Variants in NOL4 observed in about 807,000 individuals in gnomAD.
NOL4 encodes the protein cancer/testis antigen 125.
In NOL4, 17 loss-of-function variants were observed where a neutral mutation model predicts 75.9. The observed-to-expected ratio is 0.22, with a 90% CI of 0.15 to 0.34. The LOEUF (loss-of-function observed/expected upper bound fraction) is 0.34, where lower values mean the gene tolerates loss of function less well. Among genes scored for constraint, NOL4 ranks in the 10% least tolerant of loss-of-function variants. The pLI, the probability that NOL4 is intolerant of heterozygous loss-of-function variation, is 1.00. For missense variants in NOL4, 614 were observed against 793.5 expected (o/e 0.77, Z 2.72); for synonymous variants, 292 against 289.9 (o/e 1.01, Z -0.07).
At chr18:33,946,950 C>A (rs1435330681) in intron 8 of NOL4, among the ~76,000 whole-genome samples, 2 of 151,630 alleles carry the variant, frequency 1.3e-5, no homozygotes, top group Admixed American at 1.3e-4. Context: ...CAGAAAAGTT[C>A]TTTCCCTCCT....
intron 1 of NOL4, among the ~76,000 whole-genome samples, chr18:34,211,607 T>G (rs571611453): frequency 1.3e-5 from 2 of 152,352 alleles, no homozygotes; most frequent in South Asian, 4.1e-4. Flanking sequence ...TTCTCAAAAT[T>G]AGTCTTTCAA....
At chr18:33,862,792 G>C (rs1284313970) in intron 10 of NOL4, among the ~76,000 whole-genome samples, 1 of 152,170 alleles carries the variant, frequency 6.6e-6, no homozygotes, top group African/African-American at 2.4e-5. Flanking sequence ...AGAGGATGTG[G>C]AGAAATAGGA....
At chr18:34,166,279 T>C (rs954204690) in intron 1 of NOL4, among the ~76,000 whole-genome samples, 8 of 152,118 alleles carry the variant, frequency 5.3e-5, no homozygotes, top group Admixed American at 1.3e-4. Flanking sequence ...AGTCAAAGTA[T>C]TTGATGAAAA....
chr18:33,921,219 C>A (rs754915845), intron 9 of NOL4, among the ~76,000 whole-genome samples: 2 of 152,126 alleles, frequency 1.3e-5, no homozygotes. Flanking sequence ...CTTACTCACA[C>A]TGGATTGAGA....
At chr18:33,874,968 A>T (rs2063864269) in intron 10 of NOL4, among the ~76,000 whole-genome samples, 2 of 152,006 alleles carry the variant, frequency 1.3e-5, no homozygotes, top group Admixed American at 1.3e-4. Flanking sequence ...AGTTGGGAAA[A>T]CTAGAAATTG....
At chr18:34,115,874 A>G (rs1600644198) in intron 2 of NOL4, among the ~76,000 whole-genome samples, 2 of 152,228 alleles carry the variant, frequency 1.3e-5, no homozygotes, top group East Asian at 3.9e-4. Context: ...AGGCCATTTC[A>G]GAATTATCTA....
At chr18:34,075,480 T>C (rs2077704266) in intron 5 of NOL4, among the ~76,000 whole-genome samples, 1 of 152,190 alleles carries the variant, frequency 6.6e-6, no homozygotes, top group South Asian at 2.1e-4. Flanking sequence ...CTGTGATTTG[T>C]CACATGAGGT....
chr18:33,986,493 G>A (rs2072467788), intron 6 of NOL4, among the ~76,000 whole-genome samples: 1 of 152,078 alleles, frequency 6.6e-6, no homozygotes, highest in African/African-American at 2.4e-5. Context: ...GAGAGGATCA[G>A]CACAAAATTT....
intron 6 of NOL4, among the ~76,000 whole-genome samples, chr18:34,015,978 G>C (rs1359275893): frequency 1.3e-5 from 2 of 152,014 alleles, no homozygotes; most frequent in Non-Finnish European, 2.9e-5. Context: ...TAGTAAGCCA[G>C]GTGTAAGGCA....
chr18:34,062,178 C>T (rs2077089614), intron 5 of NOL4, among the ~76,000 whole-genome samples: 1 of 151,914 alleles, frequency 6.6e-6, no homozygotes, highest in Admixed American at 6.6e-5. Flanking sequence ...AACAAACCTG[C>T]ACATTCTGCA....
chr18:34,127,083 T>G (rs1213037091), intron 2 of NOL4, among the ~76,000 whole-genome samples: 1 of 151,890 alleles, frequency 6.6e-6, no homozygotes, highest in Non-Finnish European at 1.5e-5. Flanking sequence ...TGTCATTTTG[T>G]GTGGGATTTT....
intron 5 of NOL4, chr18:34,048,432 C>G: frequency 1.0e-6 from 1 of 985,038 alleles, no homozygotes; most frequent in Non-Finnish European, 1.2e-6. Flanking sequence ...GAGGAGCTGA[C>G]ACTTACTGTG....
intron 10 of NOL4, among the ~76,000 whole-genome samples, chr18:33,862,390 C>G (rs1231530152): frequency 6.6e-6 from 1 of 152,146 alleles, no homozygotes; most frequent in Non-Finnish European, 1.5e-5. Context: ...ACACCAAAAG[C>G]AATGGCAACA....
At chr18:34,044,919 T>C (rs959443904) in intron 5 of NOL4, among the ~76,000 whole-genome samples, 3 of 152,172 alleles carry the variant, frequency 2.0e-5, no homozygotes, top group Non-Finnish European at 2.9e-5. Context: ...GTGCTTACTT[T>C]ATCACACTGC....
intron 1 of NOL4, among the ~76,000 whole-genome samples, chr18:34,205,108 G>A (rs957321896): frequency 4.6e-5 from 7 of 152,090 alleles, no homozygotes; most frequent in African/African-American, 1.7e-4. Context: ...TTTAAGTCCT[G>A]GATTTTAAAT....
chr18:34,054,004 A>G (rs2145016624), intron 5 of NOL4, among the ~76,000 whole-genome samples: 1 of 152,072 alleles, frequency 6.6e-6, no homozygotes, highest in Non-Finnish European at 1.5e-5. Flanking sequence ...GTGAATGTTA[A>G]AGATGAATAC....
chr18:34,109,720 C>A (rs1450911131), intron 2 of NOL4, among the ~76,000 whole-genome samples: 2 of 151,614 alleles, frequency 1.3e-5, no homozygotes, highest in Non-Finnish European at 2.9e-5. Flanking sequence ...ATCAATGAAA[C>A]TTGAGTTATT....
rs181146548 is a variant in NOL4, at chr18:34,212,381, G to A, written c.264+10609C>T. Among the ~76,000 whole-genome samples, 7 of 152,284 alleles carry A rather than the reference G, an allele frequency of 4.6e-5. No homozygotes were observed. The South Asian group carries it at 1.2e-3, about 27-fold the overall frequency. On this transcript the variant is annotated intron_variant, in intron 1 of 10. Coordinates refer to ENST00000261592, the MANE Select transcript of NOL4 (RefSeq NM_003787.5). ...AAGAACATTTAAGCTATTTTCAGCT[G>A]TATCCTAAACCACAAATAATCTTGG... is the stretch of plus-strand genomic sequence containing the variant.
At chr18:34,172,967 T>C (rs1157886557) in intron 1 of NOL4, among the ~76,000 whole-genome samples, 1 of 152,112 alleles carries the variant, frequency 6.6e-6, no homozygotes, top group African/African-American at 2.4e-5. Flanking sequence ...CTTTCAATGT[T>C]GTTGAATTTT....
Sources: gnomAD v4.1 joint callset for allele counts (sites outside exome capture counted in the v4.1 genomes callset) on GRCh38, gnomAD v4.1.1 for gene constraint, MANE v1.5 for transcripts, NCBI Gene and HGNC (gene_info 2026-07-23, HGNC 2026-07-21) for gene names.